CHLSN: variants seen among roughly 807,000 people sequenced by gnomAD.
CHLSN encodes the protein protein cholesin.
At chr7:1,081,642 A>G in the CHLSN span, among the ~76,000 whole-genome samples, 8 of 152,348 alleles carry the variant, frequency 5.3e-5, no homozygotes, top group African/African-American at 1.9e-4. Flanking sequence ...CACAGCACAC[A>G]GGCTGTGGAG....
chr7:1,007,992 C>G, the CHLSN span, among the ~76,000 whole-genome samples: 3 of 152,272 alleles, frequency 2.0e-5, no homozygotes, highest in Admixed American at 2.0e-4. Context: ...TCCCCCTTGT[C>G]TAACAGTCCA....
chr7:1,013,957 C>T, the CHLSN span, among the ~76,000 whole-genome samples: 1 of 152,228 alleles, frequency 6.6e-6, no homozygotes, highest in Admixed American at 6.5e-5. Flanking sequence ...AAAAGCTTTA[C>T]GCAGGACCTG....
the CHLSN span, among the ~76,000 whole-genome samples, chr7:1,062,478 C>T: frequency 1.3e-3 from 197 of 152,308 alleles, no homozygotes; most frequent in Non-Finnish European, 2.5e-3. Flanking sequence ...CACACACGCC[C>T]GGCACGCAAA....
the CHLSN span, chr7:1,138,088 C>A: frequency 6.7e-6 from 1 of 150,318 alleles, no homozygotes; most frequent in Admixed American, 6.6e-5. Flanking sequence ...CTCCGCGCAC[C>A]CACGTGGAGG....
chr7:1,062,188 A>G, the CHLSN span, among the ~76,000 whole-genome samples: 1 of 152,176 alleles, frequency 6.6e-6, no homozygotes, highest in South Asian at 2.1e-4. Context: ...GATTCCAGAA[A>G]GGGAGTTTAG....
chr7:1,106,943 G>A, the CHLSN span, among the ~76,000 whole-genome samples: 1 of 152,156 alleles, frequency 6.6e-6, no homozygotes, highest in African/African-American at 2.4e-5. Context: ...CCGTGACCAC[G>A]GCCAGGAGCC....
the CHLSN span, chr7:1,076,286 C>T: frequency 6.2e-6 from 1 of 160,988 alleles, no homozygotes; most frequent in Non-Finnish European, 1.3e-5. Context: ...GGGAGGAGCA[C>T]CACCAGGGAG....
the CHLSN span, among the ~76,000 whole-genome samples, chr7:1,007,420 C>G: frequency 6.6e-6 from 1 of 152,226 alleles, no homozygotes; most frequent in Admixed American, 6.5e-5. Context: ...CCCAGCAGCC[C>G]CCAGGCTGAG....
chr7:1,087,463 C>G, the CHLSN span, among the ~76,000 whole-genome samples: 1 of 152,226 alleles, frequency 6.6e-6, no homozygotes, highest in African/African-American at 2.4e-5. Context: ...ATACACACTG[C>G]CTGAAGGCAA....
the CHLSN span, among the ~76,000 whole-genome samples, chr7:1,002,125 GT>G: frequency 7.3e-6 from 1 of 136,550 alleles, no homozygotes. Context: ...CTGTGGGTGA[GT>G]GGAGCCCTGT....
the CHLSN span, chr7:1,091,716 A>G: frequency 6.6e-7 from 1 of 1,508,590 alleles, no homozygotes; most frequent in Non-Finnish European, 8.9e-7. Flanking sequence ...TGAAAGCTGC[A>G]CGGTGCAGAG....
chr7:1,124,569 G>T, the CHLSN span, among the ~76,000 whole-genome samples: 2 of 111,266 alleles, frequency 1.8e-5, no homozygotes, highest in African/African-American at 3.6e-5. Flanking sequence ...CGGGGGGTGG[G>T]GGGGGAGGGG....
the CHLSN span, among the ~76,000 whole-genome samples, chr7:1,106,333 A>G: frequency 6.6e-6 from 1 of 152,230 alleles, no homozygotes. Flanking sequence ...AGACCCAGCC[A>G]GAGCGAAACC....
At chr7:1,129,525 G>A in the CHLSN span, among the ~76,000 whole-genome samples, 207 of 150,954 alleles carry the variant, frequency 1.4e-3, 5 homozygotes, top group African/African-American at 4.7e-3. Context: ...GGCTCACTGC[G>A]TCCTCAAAAT....
the CHLSN span, chr7:1,093,912 C>A: frequency 2.7e-5 from 9 of 330,634 alleles, no homozygotes; most frequent in East Asian, 6.2e-4. Flanking sequence ...GAAAACACAG[C>A]CCTCCCCTGC....
chr7:986,194 C>T, the CHLSN span, among the ~76,000 whole-genome samples: 153 of 152,134 alleles, frequency 1.0e-3, no homozygotes, highest in Non-Finnish European at 1.7e-3. Context: ...TGTGGCGGGG[C>T]TGCCACAGGC....
chr7:1,022,872 CCAG>C, the CHLSN span: 1 of 384,354 alleles, frequency 2.6e-6, no homozygotes, highest in Non-Finnish European at 5.4e-6. Context: ...GCATACGAGT[CCAG>C]GGGCTGCTAC....
the CHLSN span, among the ~76,000 whole-genome samples, chr7:1,064,538 C>G: frequency 3.9e-5 from 6 of 152,180 alleles, no homozygotes; most frequent in African/African-American, 1.4e-4. Context: ...ACCCTGACTC[C>G]TGAGAGGAAG....
chr7:1,007,947 G>A, the CHLSN span, among the ~76,000 whole-genome samples: 15 of 152,216 alleles, frequency 9.9e-5, no homozygotes, highest in South Asian at 6.2e-4. Context: ...GTGGTGGAGC[G>A]GATGGTCCCC....
Sources: gnomAD v4.1 joint callset for allele counts (sites outside exome capture counted in the v4.1 genomes callset) on GRCh38, gnomAD v4.1.1 for gene constraint, MANE v1.5 for transcripts, NCBI Gene and HGNC (gene_info 2026-07-23, HGNC 2026-07-21) for gene names.